Variants in RAPGEF4 observed in about 807,000 individuals in gnomAD.
RAPGEF4 encodes the protein RAP guanine-nucleotide-exchange factor (GEF) 4.
RAPGEF4 carries 66 observed loss-of-function variants against 147.9 expected under a neutral mutation model. The ratio of observed to expected loss-of-function variants is 0.45; its 90% CI spans 0.37 to 0.55. RAPGEF4 has a LOEUF of 0.55. Among genes scored for constraint, RAPGEF4 ranks in the 20% least tolerant of loss-of-function variants. RAPGEF4 has a pLI of 0.00. For synonymous variants in RAPGEF4, 419 were observed against 442.7 expected (o/e 0.95, Z 0.67); for missense variants, 1,071 against 1,257.3 (o/e 0.85, Z 2.24).
chr2:172,749,760 G>C (rs533886130), intron 1 of RAPGEF4, among the ~76,000 whole-genome samples: 1 of 152,262 alleles, frequency 6.6e-6, no homozygotes, highest in South Asian at 2.1e-4. Context: ...ATTGGGCTGT[G>C]AATTTCCCGA....
Position 173,044,193 on chromosome 2 carries a change from G to A in RAPGEF4, c.2854-4407G>A, listed in dbSNP as rs570139856. Among the ~76,000 whole-genome samples the A allele has an allele frequency of 1.7e-4, 26 of 150,784 alleles. 1 individual carries two copies. In the Middle Eastern group the frequency reaches 0.014, roughly 79 times the overall value. ...GTTTTTCACAAACTTTCTGGAAAAG[G>A]GGCCAGGAGTTCCTGGAACCATCTA... is the stretch of plus-strand genomic sequence containing the variant. On this transcript the variant is annotated intron_variant, in intron 29 of 30. Transcript: ENST00000397081.
chr2:172,878,773 A>G (rs1272405511), intron 4 of RAPGEF4, among the ~76,000 whole-genome samples: 1 of 152,232 alleles, frequency 6.6e-6, no homozygotes, highest in African/African-American at 2.4e-5. Flanking sequence ...GGCGATTCAC[A>G]AAGAAAGGAA....
intron 4 of RAPGEF4, among the ~76,000 whole-genome samples, chr2:172,824,961 A>G (rs1294561816): frequency 6.6e-6 from 1 of 152,252 alleles, no homozygotes; most frequent in Non-Finnish European, 1.5e-5. Context: ...GTGAAAACTT[A>G]TGACTCTTGA....
intron 6 of RAPGEF4, among the ~76,000 whole-genome samples, chr2:172,957,335 A>C (rs1286542346): frequency 2.0e-5 from 3 of 152,238 alleles, no homozygotes; most frequent in Non-Finnish European, 4.4e-5. Context: ...GCTAAGGTAA[A>C]ATTCTCAAAA....
intron 10 of RAPGEF4, among the ~76,000 whole-genome samples, chr2:172,969,332 G>T (rs1690212723): frequency 6.6e-6 from 1 of 152,208 alleles, no homozygotes; most frequent in African/African-American, 2.4e-5. Context: ...TAGGGCAGAG[G>T]ATTAAGCAAC....
intron 26 of RAPGEF4, among the ~76,000 whole-genome samples, chr2:173,033,285 C>T (rs1254572019): frequency 6.6e-6 from 1 of 152,102 alleles, no homozygotes; most frequent in Non-Finnish European, 1.5e-5. Context: ...ATTACAGGCT[C>T]TAATGAGAAG....
chr2:172,967,459 G>A lies in RAPGEF4; in HGVS notation c.1004+15G>A, dbSNP rs182143358. On this transcript the variant is annotated intron_variant, in intron 10 of 30. Coordinates refer to ENST00000397081, the MANE Select transcript of RAPGEF4 (RefSeq NM_007023.4). ...CTTCGCAAACCGTGAGTGAGAGCTC[G>A]TGGCTCACCCCTCCAGGTCCCAAGG... 4.0e-5 allele frequency: 65 copies of A among 1,605,668 alleles called. No individual in the cohort carries two copies. In the African/African-American group the frequency reaches 5.5e-4, roughly 14 times the overall value.
chr2:173,009,001 C>T (rs1430659200), intron 17 of RAPGEF4, among the ~76,000 whole-genome samples: 2 of 152,186 alleles, frequency 1.3e-5, no homozygotes, highest in Non-Finnish European at 2.9e-5. Flanking sequence ...TCACTGCAAA[C>T]AGATCCAATC....
chr2:172,839,130 A>C (rs1281032958), intron 4 of RAPGEF4, among the ~76,000 whole-genome samples: 1 of 151,956 alleles, frequency 6.6e-6, no homozygotes, highest in Admixed American at 6.6e-5. Flanking sequence ...AATTATGGTG[A>C]GTTAGAAGAA....
At chr2:172,773,203 GAGTT>G (rs886828963) in intron 1 of RAPGEF4, among the ~76,000 whole-genome samples, 5 of 152,138 alleles carry the variant, frequency 3.3e-5, no homozygotes, top group Non-Finnish European at 7.4e-5. Flanking sequence ...ATAATAGAAG[GAGTT>G]AGTGTTGTAA....
rs187602892 is a variant in RAPGEF4 at position 172,955,279 on chromosome 2, T to C, written c.538-5481T>C. On this transcript the variant is annotated intron_variant, in intron 6 of 30. Transcript: ENST00000397081. The stretch of plus-strand genomic sequence containing the variant: ...ATGGAGGCTAAATTCATATTTTTCA[T>C]TCACCTGATTAGTATTTATGTATTG... Among the ~76,000 whole-genome samples, 9 of 152,324 alleles carry C rather than the reference T, an allele frequency of 5.9e-5. No individual in the cohort carries two copies. The East Asian group carries it at 1.2e-3, about 20-fold the overall frequency.
chr2:172,881,753 G>A lies in RAPGEF4; in HGVS notation c.445-36049G>A, dbSNP rs114654031. ...GTTAGAAATGGTATTACTCCAACACGTTTGTAGTTTTTTAAATTGTACTTC... is the reference window on the plus strand; with the variant it reads ...GTTAGAAATGGTATTACTCCAACACATTTGTAGTTTTTTAAATTGTACTTC... On this transcript the variant is annotated intron_variant, in intron 4 of 30. Coordinates refer to ENST00000397081, the MANE Select transcript of RAPGEF4 (RefSeq NM_007023.4). 4.5e-3 allele frequency among the ~76,000 whole-genome samples: 679 copies of A among 152,358 alleles called. 3 individuals carry two copies. Among genetic ancestry groups the A allele is most frequent in the African/African-American group, 0.016 (646 of 41,572 alleles).
intron 8 of RAPGEF4, among the ~76,000 whole-genome samples, chr2:172,963,572 T>A (rs1011190945): frequency 6.6e-6 from 1 of 152,188 alleles, no homozygotes; most frequent in Non-Finnish European, 1.5e-5. Flanking sequence ...TGTGCTCCAT[T>A]GTACTAAGAT....
chr2:172,912,379 T>A (rs965439479), intron 4 of RAPGEF4, among the ~76,000 whole-genome samples: 12 of 152,228 alleles, frequency 7.9e-5, no homozygotes, highest in African/African-American at 2.9e-4. Flanking sequence ...TGATATAGCA[T>A]CCTTAAGATT....
At chr2:172,771,597 T>A (rs995302152) in intron 1 of RAPGEF4, among the ~76,000 whole-genome samples, 3 of 152,180 alleles carry the variant, frequency 2.0e-5, no homozygotes, top group African/African-American at 4.8e-5. Flanking sequence ...GTGTTATTTT[T>A]AAATTCTTTT....
chr2:172,956,067 TC>T (rs1403703852), intron 6 of RAPGEF4, among the ~76,000 whole-genome samples: 2 of 152,194 alleles, frequency 1.3e-5, no homozygotes. Context: ...TGGAGAGAGA[TC>T]GGATGCGGGA....
chr2:172,980,064 G>T (rs931561908), intron 10 of RAPGEF4, among the ~76,000 whole-genome samples: 1 of 152,156 alleles, frequency 6.6e-6, no homozygotes, highest in African/African-American at 2.4e-5. Flanking sequence ...CAGAACAAAA[G>T]TATTTTAAGC....
At chr2:172,884,647 G>C (rs1405487828) in intron 4 of RAPGEF4, among the ~76,000 whole-genome samples, 1 of 152,196 alleles carries the variant, frequency 6.6e-6, no homozygotes, top group Non-Finnish European at 1.5e-5. Context: ...TGATAGGGCT[G>C]TTATTCAGCT....
At chr2:172,959,958 G>A (rs996248416) in intron 6 of RAPGEF4, among the ~76,000 whole-genome samples, 2 of 152,092 alleles carry the variant, frequency 1.3e-5, no homozygotes, top group Non-Finnish European at 2.9e-5. Context: ...GGTGGTGCAA[G>A]CCTGTAGTCC....
Sources: gnomAD v4.1 joint callset for allele counts (sites outside exome capture counted in the v4.1 genomes callset) on GRCh38, gnomAD v4.1.1 for gene constraint, MANE v1.5 for transcripts, NCBI Gene and HGNC (gene_info 2026-07-23, HGNC 2026-07-21) for gene names.